Variants in PACS2 observed in about 807,000 individuals in gnomAD.
PACS2 encodes phosphofurin acidic cluster sorting protein 2.
PACS2 carries 36 observed loss-of-function variants against 113.0 expected under a neutral mutation model. The ratio of observed to expected loss-of-function variants is 0.32; its 90% CI spans 0.24 to 0.42. The LOEUF (loss-of-function observed/expected upper bound fraction) is 0.42. PACS2 is among the 10% of genes least tolerant of loss of function. The probability of loss-of-function intolerance (pLI) is 1.00; values close to 1 mark genes in which losing one functional copy is unlikely to be tolerated. For missense variants in PACS2, 1,015 were observed against 1,239.5 expected (o/e 0.82, Z 2.72); for synonymous variants, 589 against 536.1 (o/e 1.10, Z -1.36).
intron 11 of PACS2, among the ~76,000 whole-genome samples, chr14:105,380,582 G>A: frequency 6.6e-6 from 1 of 151,876 alleles, no homozygotes; most frequent in Non-Finnish European, 1.5e-5. Flanking sequence ...TTCAGGGTCA[G>A]GGCGCCTGGA....
chr14:105,362,126 A>T (rs1555406633), intron 4 of PACS2, among the ~76,000 whole-genome samples: 1 of 151,494 alleles, frequency 6.6e-6, no homozygotes, highest in African/African-American at 2.4e-5. Context: ...CTGTCTCAAA[A>T]AAAAAGAATG....
At chr14:105,387,348 G>C (rs1555413808) in intron 19 of PACS2, among the ~76,000 whole-genome samples, 1 of 152,248 alleles carries the variant, frequency 6.6e-6, no homozygotes, top group Non-Finnish European at 1.5e-5. Context: ...GGGCAGGCCA[G>C]GCCTGGAGGG....
At chr14:105,308,639 T>G (rs1359143032) in intron 1 of PACS2, among the ~76,000 whole-genome samples, 1 of 151,762 alleles carries the variant, frequency 6.6e-6, no homozygotes, top group African/African-American at 2.4e-5. Context: ...TGAGCCACTG[T>G]GCCCAGCTAA....
chr14:105,377,017 G>C, intron 9 of PACS2, 92 bp downstream of exon 9: 2 of 1,360,306 alleles, frequency 1.5e-6, no homozygotes, highest in Non-Finnish European at 2.0e-6. Context: ...TCCAGCCCTG[G>C]AGACGGGGTG....
At chr14:105,368,176 C>A (rs2061008946) in intron 6 of PACS2, 29 bp downstream of exon 6, 6 of 1,514,154 alleles carry the variant, frequency 4.0e-6, no homozygotes, top group Admixed American at 1.7e-5. Flanking sequence ...TCCGCGCCCT[C>A]TCCTGGCTCA....
At chr14:105,310,157 T>C, upstream of PACS2, among the ~76,000 whole-genome samples, 1 of 152,168 alleles carries the variant, frequency 6.6e-6, no homozygotes, top group East Asian at 1.9e-4. Context: ...GTGAATCTTT[T>C]GTAGCTTCTC....
In PACS2 at chr14:105,329,400, AGCCTGCTGTCACCT is replaced by A. The variant is rs1050324245; in HGVS notation, c.119+14372_119+14385del. Among the ~76,000 whole-genome samples, 71 of 152,334 alleles carry A rather than the reference AGCCTGCTGTCACCT, an allele frequency of 4.7e-4. No homozygotes were observed. The highest frequency in any genetic ancestry group is 1.5e-3 in the South Asian group (7 of 4,826). ...AAGAGAAGTCCCTGGAACCAGGACC[AGCCTGCTGTCACCT>A]GCCTGCTGCTCCTGCCCCACCAGAA... On this transcript the variant is annotated intron_variant, in intron 1 of 24. Transcript: ENST00000447393. This position sits in a 1 kb window ranked among gnomAD's most constrained non-coding sequence, Gnocchi z 6.4.
intron 8 of PACS2, 159 bp downstream of exon 8, chr14:105,370,059 T>C (rs1245783935): frequency 2.6e-5 from 16 of 627,448 alleles, no homozygotes; most frequent in African/African-American, 2.2e-4. Flanking sequence ...GCAGTGACAG[T>C]GGCACTGCCT....
intron 1 of PACS2, among the ~76,000 whole-genome samples, chr14:105,328,312 A>C (rs2059194925): frequency 6.6e-6 from 1 of 152,204 alleles, no homozygotes; most frequent in Non-Finnish European, 1.5e-5. Flanking sequence ...CTCCTGGAGA[A>C]TGTGGTCCCT....
intron 4 of PACS2, among the ~76,000 whole-genome samples, chr14:105,363,602 G>A (rs1306422693): frequency 6.6e-6 from 1 of 152,170 alleles, no homozygotes; most frequent in African/African-American, 2.4e-5. Flanking sequence ...AGTGTTGTCT[G>A]GTTCAATCTT....
At chr14:105,318,906 C>T (rs182706231) in intron 1 of PACS2, among the ~76,000 whole-genome samples, 2,312 of 151,342 alleles carry the variant, frequency 0.015, 57 homozygotes, top group African/African-American at 0.05. Context: ...GTGATCCGCC[C>T]GCCTCAGCCT....
At chr14:105,361,632 C>T (rs782359974) in intron 4 of PACS2, among the ~76,000 whole-genome samples, 8 of 151,632 alleles carry the variant, frequency 5.3e-5, no homozygotes, top group Non-Finnish European at 1.2e-4. Flanking sequence ...AGTGAGACTC[C>T]GTCTCAAAAC....
rs148093572 is a variant in PACS2 at position 105,332,849 on chromosome 14, C to G, written c.120-15644C>G. Among the ~76,000 whole-genome samples the G allele has an allele frequency of 2.6e-3, 396 of 152,334 alleles. 2 individuals carry two copies. The highest frequency in any genetic ancestry group is 6.8e-3 in the Middle Eastern group (2 of 294). On this transcript the variant is annotated intron_variant, in intron 1 of 24. Coordinates refer to ENST00000447393, the MANE Select transcript of PACS2 (RefSeq NM_001100913.3). ...GAGGGGAGCAGCCTTGATTCCTAAA[C>G]AAGAAGTTGGTCCTAAGTGCATCCT...
In PACS2 at chr14:105,329,444, C is replaced by T. The variant is rs952987105; in HGVS notation, c.119+14407C>T. Among the ~76,000 whole-genome samples, 12 of 152,232 alleles carry T rather than the reference C, an allele frequency of 7.9e-5. No homozygotes were observed. In the South Asian group the frequency reaches 1.0e-3, roughly 13 times the overall value. On this transcript the variant is annotated intron_variant, in intron 1 of 24. Coordinates refer to ENST00000447393, the MANE Select transcript of PACS2 (RefSeq NM_001100913.3). The surrounding 1 kb of genome is among the most constrained non-coding windows in gnomAD (Gnocchi z 6.4). Reference sequence around the variant, plus strand: ...GCTGCTCCTGCCCCACCAGAACCATCCTGAGTCCAAACTGGCTGAGAGTCA... The same window carrying T: ...GCTGCTCCTGCCCCACCAGAACCATTCTGAGTCCAAACTGGCTGAGAGTCA...
chr14:105,348,518 C>A lies in PACS2; in HGVS notation c.145C>A (p.Leu49Met). The A allele has an allele frequency of 1.2e-6, 2 of 1,612,402 alleles. No individual in the cohort carries two copies. Among genetic ancestry groups the A allele is most frequent in the South Asian group, 2.2e-5 (2 of 91,080 alleles). ...PRLCSLTLKK[L>M]VVFKELEKEL... is the part of the protein sequence containing the mutation. ...GTTGTGCAGCCTGACTCTGAAGAAG[C>A]TGGTGGTCTTCAAGGAGCTGGAGAA... Residue 49 changes from leucine (L) to methionine (M), a missense_variant, in exon 2 of 25, where the codon CTG becomes ATG. Around this residue, in one of 3 missense-constraint regions of PACS2, gnomAD observed 140 missense variants for 135.1 expected, o/e 1.04. Transcript: ENST00000447393. This position sits in a 1 kb window ranked among gnomAD's most constrained non-coding sequence, Gnocchi z 6.4.
rs587628562 is a variant in PACS2, at chr14:105,357,871, C to T, written c.423+2694C>T. 1.1e-4 allele frequency among the ~76,000 whole-genome samples: 16 copies of T among 152,126 alleles called. No individual in the cohort carries two copies. The highest frequency in any genetic ancestry group is 1.7e-4 in the African/African-American group (7 of 41,520). ...TGGCGCCATGCATTTGAGAGTAGTG[C>T]TCGGCGGTGGGGAAGGGTCCTTGAG... On this transcript the variant is annotated intron_variant, in intron 4 of 24. Transcript: ENST00000447393. The surrounding 1 kb of genome is among the most constrained non-coding windows in gnomAD (Gnocchi z 5.1).
chr14:105,360,698 TAAAAC>T (rs1555406277), intron 4 of PACS2, among the ~76,000 whole-genome samples: 14 of 152,190 alleles, frequency 9.2e-5, no homozygotes, highest in Non-Finnish European at 1.9e-4. Context: ...ATTTCTTAAA[TAAAAC>T]AAGAAAGAAG....
intron 19 of PACS2, 104 bp from the exon 20 acceptor site, chr14:105,389,857 G>T (rs906930556): frequency 9.6e-7 from 1 of 1,045,118 alleles, no homozygotes; most frequent in African/African-American, 1.6e-5. Context: ...CGGCAGGGCC[G>T]CGGCCCCAGG....
intron 17 of PACS2, 59 bp from the exon 18 acceptor site, chr14:105,384,820 C>A: frequency 8.7e-7 from 1 of 1,150,806 alleles, no homozygotes; most frequent in Non-Finnish European, 1.3e-6. Flanking sequence ...CCCAGCTTAG[C>A]CCCGCCTGCA....
Sources: gnomAD v4.1 joint callset for allele counts (sites outside exome capture counted in the v4.1 genomes callset) on GRCh38, gnomAD v4.1.1 for gene constraint, gnomAD v4.1.1 regional missense constraint, Gnocchi (gnomAD v3.1) non-coding constraint, MANE v1.5 for transcripts, NCBI Gene and HGNC (gene_info 2026-07-23, HGNC 2026-07-21) for gene names.